IQCJ: variants seen among roughly 807,000 people sequenced by gnomAD.
The protein encoded by IQCJ is IQ domain-containing protein J.
Under a neutral mutation model 11.0 loss-of-function variants are expected in IQCJ, and 9 were observed. That is an observed-to-expected ratio of 0.82 (90% CI 0.49 to 1.43). The LOEUF (loss-of-function observed/expected upper bound fraction) is 1.43. Among genes scored for constraint, IQCJ ranks in the 40% most tolerant of loss-of-function variants. The pLI, the probability that IQCJ is intolerant of heterozygous loss-of-function variation, is 0.00. For missense variants in IQCJ, 146 were observed against 133.2 expected (o/e 1.10, Z -0.47); for synonymous variants, 55 against 51.3 (o/e 1.07, Z -0.31).
intron 1 of IQCJ, among the ~76,000 whole-genome samples, chr3:159,229,663 T>G (rs2108144281): frequency 7.0e-6 from 1 of 143,246 alleles, no homozygotes; most frequent in South Asian, 2.4e-4. Flanking sequence ...ATTTCATGCT[T>G]TCTGTGTTGT....
intron 1 of IQCJ, among the ~76,000 whole-genome samples, chr3:159,230,965 C>T (rs1013285207): frequency 6.6e-6 from 1 of 152,124 alleles, no homozygotes; most frequent in African/African-American, 2.4e-5. Context: ...TTAATTCAAA[C>T]TTTGTACTAC....
intron 1 of IQCJ, among the ~76,000 whole-genome samples, chr3:159,172,314 T>TA (rs1409432756): frequency 2.6e-5 from 4 of 152,150 alleles, no homozygotes; most frequent in South Asian, 2.1e-4. Flanking sequence ...TAAATCTGAA[T>TA]AAAAAATGTA....
intron 1 of IQCJ, among the ~76,000 whole-genome samples, chr3:159,139,143 C>T (rs1397378343): frequency 6.6e-6 from 1 of 151,704 alleles, no homozygotes; most frequent in African/African-American, 2.4e-5. Context: ...AATCAAGGAC[C>T]ATTTTTTTTT....
At chr3:159,194,527 T>G (rs1221571387) in intron 1 of IQCJ, among the ~76,000 whole-genome samples, 1 of 152,200 alleles carries the variant, frequency 6.6e-6, no homozygotes, top group Non-Finnish European at 1.5e-5. Context: ...AGGTGGCCAC[T>G]GTCAAGCTTC....
intron 1 of IQCJ, among the ~76,000 whole-genome samples, chr3:159,105,812 A>T (rs1278886576): frequency 6.6e-6 from 1 of 152,132 alleles, no homozygotes; most frequent in East Asian, 1.9e-4. Flanking sequence ...AGATAGATAG[A>T]TACATCACAC....
chr3:159,118,443 C>T (rs988203269), intron 1 of IQCJ, among the ~76,000 whole-genome samples: 1 of 152,230 alleles, frequency 6.6e-6, no homozygotes. Flanking sequence ...TGAATGCTTA[C>T]AACCTTCCAG....
At chr3:159,153,760 T>C (rs934521246) in intron 1 of IQCJ, among the ~76,000 whole-genome samples, 3 of 152,304 alleles carry the variant, frequency 2.0e-5, no homozygotes, top group African/African-American at 7.2e-5. Context: ...GTGACATAGG[T>C]TCTACCAATC....
intron 1 of IQCJ, among the ~76,000 whole-genome samples, chr3:159,095,984 G>A (rs1394951665): frequency 4.6e-5 from 1 of 21,888 alleles, no homozygotes; most frequent in African/African-American, 2.0e-4. Context: ...CCCACCAACA[G>A]TGTAAAAGTG....
intron 1 of IQCJ, among the ~76,000 whole-genome samples, chr3:159,095,514 C>A (rs1249099874): frequency 3.5e-5 from 4 of 114,214 alleles, no homozygotes; most frequent in Non-Finnish European, 5.3e-5. Flanking sequence ...TCCCTCCCCC[C>A]TCCCCCGACC....
At chr3:159,073,944 A>G (rs1406537085) in intron 1 of IQCJ, among the ~76,000 whole-genome samples, 1 of 152,068 alleles carries the variant, frequency 6.6e-6, no homozygotes, top group Admixed American at 6.6e-5. Context: ...GTTGTGTCGG[A>G]ATTTGTAGAG....
At chr3:159,090,091 G>T (rs920508305) in intron 1 of IQCJ, among the ~76,000 whole-genome samples, 1 of 151,690 alleles carries the variant, frequency 6.6e-6, no homozygotes, top group Non-Finnish European at 1.5e-5. Flanking sequence ...TGTAAAGATG[G>T]GTTTTTGGTG....
intron 1 of IQCJ, among the ~76,000 whole-genome samples, chr3:159,159,654 T>G (rs1212167949): frequency 6.6e-6 from 1 of 152,170 alleles, no homozygotes; most frequent in Non-Finnish European, 1.5e-5. Context: ...ACTGCTATGG[T>G]TTGTATGTTT....
Position 159,207,615 on chromosome 3 carries a change from G to A in IQCJ, c.10-38228G>A, listed in dbSNP as rs143612810. ...TGTCGTGGGGGTAAGCAGGCCTAAT[G>A]GAGTCATATTCTCGTAGAAGTTGTA... On this transcript the variant is annotated intron_variant, in intron 1 of 3. Coordinates refer to ENST00000397832, the MANE Select transcript of IQCJ (RefSeq NM_001042706.3). Among the ~76,000 whole-genome samples, 181 of 152,258 alleles carry A rather than the reference G, an allele frequency of 1.2e-3. 1 individual carries two copies. Among genetic ancestry groups the A allele is most frequent in the African/African-American group, 4.2e-3 (173 of 41,552 alleles).
At position 159,259,144 on chromosome 3, in the gene IQCJ, C is replaced by T. The variant is rs988402244; in HGVS notation, c.156-3404C>T. Among the ~76,000 whole-genome samples the T allele has an allele frequency of 2.0e-5, 3 of 152,140 alleles. No individual in the cohort carries two copies. In the East Asian group the frequency reaches 5.8e-4, roughly 29 times the overall value. On this transcript the variant is annotated intron_variant, in intron 3 of 3. Coordinates refer to ENST00000397832, the MANE Select transcript of IQCJ (RefSeq NM_001042706.3). The stretch of plus-strand genomic sequence containing the variant: ...CACTGGCTGTGAGTCCCCCAAGTGG[C>T]TGTGAGTGCATGACAGAGCCAACCG...
chr3:159,090,529 T>C (rs565432124), intron 1 of IQCJ, among the ~76,000 whole-genome samples: 1 of 151,888 alleles, frequency 6.6e-6, no homozygotes, highest in Admixed American at 6.5e-5. Flanking sequence ...TCCAGGTCTA[T>C]TCATGGAGTC....
intron 1 of IQCJ, among the ~76,000 whole-genome samples, chr3:159,129,921 G>T (rs1475111545): frequency 1.3e-5 from 2 of 152,100 alleles, no homozygotes; most frequent in Admixed American, 1.3e-4. Context: ...ATGCACTTGT[G>T]TGTGTGTGCA....
chr3:159,122,391 C>A (rs979540156), intron 1 of IQCJ, among the ~76,000 whole-genome samples: 1 of 152,178 alleles, frequency 6.6e-6, no homozygotes. Flanking sequence ...TATGAGACTT[C>A]GTTGACAAGG....
chr3:159,140,534 T>G (rs942892806), intron 1 of IQCJ, among the ~76,000 whole-genome samples: 1 of 152,172 alleles, frequency 6.6e-6, no homozygotes, highest in Non-Finnish European at 1.5e-5. Flanking sequence ...TAGTCCACAG[T>G]GTGAAGTCAT....
intron 1 of IQCJ, among the ~76,000 whole-genome samples, chr3:159,241,441 A>C (rs1726919089): frequency 6.6e-6 from 1 of 152,012 alleles, no homozygotes; most frequent in Non-Finnish European, 1.5e-5. Flanking sequence ...TAAAATAAAA[A>C]ATAAGTAGAA....
Sources: allele counts gnomAD v4.1 joint callset (sites outside exome capture counted in the v4.1 genomes callset), GRCh38; gene constraint gnomAD v4.1.1; transcripts MANE v1.5; gene names NCBI Gene and HGNC (gene_info 2026-07-23, HGNC 2026-07-21).